BZW2: variants seen among roughly 807,000 people sequenced by gnomAD.
BZW2 encodes the protein basic leucine zipper and W2 domains 2, also known as eIF5-mimic protein 1.
In BZW2, 23 loss-of-function variants were observed where a neutral mutation model predicts 53.2. The ratio of observed to expected loss-of-function variants is 0.43; its 90% CI spans 0.31 to 0.61. The LOEUF (loss-of-function observed/expected upper bound fraction) is 0.61, where lower values mean the gene tolerates loss of function less well. BZW2 is among the 20% of genes least tolerant of loss of function. BZW2 has a pLI of 0.09. For missense variants in BZW2, 409 were observed against 503.1 expected (o/e 0.81, Z 1.79); for synonymous variants, 227 against 186.4 (o/e 1.22, Z -1.77).
In BZW2 at chr7:16,671,470, G is replaced by A. The variant is rs1202130055; in HGVS notation, c.59-2942G>A. Among the ~76,000 whole-genome samples, 4 of 152,092 alleles carry A rather than the reference G, an allele frequency of 2.6e-5. No homozygotes were observed. The East Asian group carries it at 7.7e-4, about 29-fold the overall frequency. On this transcript the variant is annotated intron_variant, in intron 2 of 11. Transcript: ENST00000258761. ...GAATCTCTTAATACAAAACACTTAAGGAAAAGCTTGAAATGTCCTTTCACC... is the reference window on the plus strand; with the variant it reads ...GAATCTCTTAATACAAAACACTTAAAGAAAAGCTTGAAATGTCCTTTCACC...
chr7:16,655,542 C>T (rs567883912), intron 1 of BZW2, among the ~76,000 whole-genome samples: 86 of 152,220 alleles, frequency 5.6e-4, no homozygotes, highest in Middle Eastern at 3.4e-3. Context: ...AAAATCCTTT[C>T]TTCTAGCTCT....
chr7:16,679,477 G>T (rs949003238), intron 3 of BZW2, among the ~76,000 whole-genome samples: 2 of 152,202 alleles, frequency 1.3e-5, no homozygotes, highest in African/African-American at 4.8e-5. Context: ...TGAAGGGGCT[G>T]ACTTCTCCAA....
chr7:16,648,031 CAAT>C (rs1319810241), intron 1 of BZW2, among the ~76,000 whole-genome samples: 1 of 152,120 alleles, frequency 6.6e-6, no homozygotes, highest in Non-Finnish European at 1.5e-5. Flanking sequence ...AATTTAGAGA[CAAT>C]AACGTTGAAA....
chr7:16,656,784 A>G (rs1001093923), intron 1 of BZW2, among the ~76,000 whole-genome samples: 1 of 152,196 alleles, frequency 6.6e-6, no homozygotes, highest in African/African-American at 2.4e-5. Context: ...AAATGAAGCT[A>G]AAAGTTATGA....
chr7:16,677,346 C>G (rs140490705), intron 3 of BZW2, among the ~76,000 whole-genome samples: 3,543 of 152,182 alleles, frequency 0.023, 127 homozygotes, highest in African/African-American at 0.081. Context: ...CCCAGCTAGG[C>G]TTAGGGATTC....
chr7:16,696,780 T>C lies in BZW2; in HGVS notation c.823-135T>C, dbSNP rs572718730. ...TTTTCTCCCTCTTCCAGTCTGAGAA[T>C]GCAGACAAGGAAAGGAGAAGCTAAG... is the stretch of plus-strand genomic sequence containing the variant. On this transcript the variant is annotated intron_variant, in intron 8 of 11. Coordinates refer to ENST00000258761, the MANE Select transcript of BZW2 (RefSeq NM_014038.3). 2.1e-5 allele frequency: 18 copies of C among 864,894 alleles called. No homozygotes were observed. The East Asian group carries it at 4.4e-4, about 21-fold the overall frequency. 53.6% of individuals were successfully genotyped at this position (864,894 alleles called of 1,614,324 possible). A position where few individuals can be genotyped will look rare whatever the true frequency, so the allele number is the denominator to read the frequency against.
intron 2 of BZW2, among the ~76,000 whole-genome samples, chr7:16,671,136 G>C (rs923331268): frequency 6.6e-6 from 1 of 152,138 alleles, no homozygotes; most frequent in African/African-American, 2.4e-5. Flanking sequence ...TAGTAGATAT[G>C]CCTTTTCTAC....
chr7:16,688,610 G>A (rs1159114930), intron 6 of BZW2: 1 of 152,174 alleles, frequency 6.6e-6, no homozygotes, highest in Non-Finnish European at 1.5e-5. Flanking sequence ...GAGAATAGAG[G>A]CTGCTTAGGC....
Position 16,682,861 on chromosome 7 carries a change from T to C in BZW2, c.405+16T>C, listed in dbSNP as rs749145105. ...AATGAAAAAGGTAAAAATTCAAATA[T>C]AATGCCTATCTGTTTTATAGTAATG... On this transcript the variant is annotated intron_variant, in intron 5 of 11. Transcript: ENST00000258761. 2.0e-6 allele frequency: 3 copies of C among 1,523,944 alleles called. No homozygotes were observed. In the South Asian group the frequency reaches 3.5e-5, roughly 18 times the overall value. The allele number at this position is 1,523,944 out of a possible 1,614,324, so 94.4% of individuals were successfully genotyped here.
At chr7:16,668,351 G>C (rs1209391672) in intron 2 of BZW2, among the ~76,000 whole-genome samples, 2 of 152,202 alleles carry the variant, frequency 1.3e-5, no homozygotes, top group Admixed American at 6.5e-5. Flanking sequence ...TGGTGGTCAA[G>C]ATTGTGCTGT....
At position 16,697,880 on chromosome 7, in the gene BZW2, A is replaced by G. The variant is rs151037210; in HGVS notation, c.970-168A>G. The G allele has an allele frequency of 2.3e-4, 165 of 725,376 alleles. No individual in the cohort carries two copies. In the African/African-American group the frequency reaches 2.8e-3, roughly 12 times the overall value. 44.9% of individuals were successfully genotyped at this position (725,376 alleles called of 1,614,324 possible). The stretch of plus-strand genomic sequence containing the variant: ...AGGTCGACTATACTGCTTTGTTCCT[A>G]CTGTTCTGTTCCCCTCACCCCATTG... On this transcript the variant is annotated intron_variant, in intron 9 of 11. Coordinates refer to ENST00000258761, the MANE Select transcript of BZW2 (RefSeq NM_014038.3).
intron 11 of BZW2, among the ~76,000 whole-genome samples, chr7:16,705,297 G>A (rs1349095966): frequency 7.2e-6 from 1 of 139,074 alleles, no homozygotes; most frequent in East Asian, 2.1e-4. Flanking sequence ...GGCAGAGGTT[G>A]CAGTGAGCCA....
rs1252530350 is a variant in BZW2 at position 16,686,049 on chromosome 7, G to A, written c.541+9G>A. On this transcript the variant is annotated intron_variant, in intron 6 of 11. Transcript: ENST00000258761. ...CAGCTTAGTCAAAGAAGGTAACGAG[G>A]CTCCTGTTTTCTCGCCTGTCAGACA... is the stretch of plus-strand genomic sequence containing the variant. The A allele has an allele frequency of 6.2e-7, 1 of 1,611,518 alleles. No homozygotes were observed. Among genetic ancestry groups the A allele is most frequent in the South Asian group, 1.1e-5 (1 of 90,336 alleles).
At chr7:16,701,508 C>A (rs1237659313) in intron 10 of BZW2, among the ~76,000 whole-genome samples, 2 of 152,034 alleles carry the variant, frequency 1.3e-5, no homozygotes, top group East Asian at 3.9e-4. Flanking sequence ...TTATTTTTGA[C>A]TTGTGTCCCT....
chr7:16,664,614 C>G (rs1782364364), intron 1 of BZW2, among the ~76,000 whole-genome samples: 1 of 152,176 alleles, frequency 6.6e-6, no homozygotes, highest in Non-Finnish European at 1.5e-5. Context: ...TAGCCAGGAT[C>G]AGAAATGTGG....
chr7:16,672,596 C>G (rs1398843783), intron 2 of BZW2, among the ~76,000 whole-genome samples: 3 of 152,122 alleles, frequency 2.0e-5, no homozygotes, highest in East Asian at 1.9e-4. Flanking sequence ...GCTCCTCTCT[C>G]CTCACATCCA....
intron 7 of BZW2, among the ~76,000 whole-genome samples, chr7:16,691,211 C>T (rs1197970017): frequency 6.6e-6 from 1 of 152,234 alleles, no homozygotes; most frequent in East Asian, 1.9e-4. Flanking sequence ...TGAATGTCTA[C>T]CCTGTGCTGG....
rs369308872 is a variant in BZW2, at chr7:16,671,256, G to T, written c.59-3156G>T. Among the ~76,000 whole-genome samples the T allele has an allele frequency of 4.6e-5, 7 of 152,030 alleles. No homozygotes were observed. The East Asian group carries it at 7.7e-4, about 17-fold the overall frequency. ...ATCATATAGTTTCAGCTACACCAATGTTTAGGGTTTATATTTTTGTGACAT... is the reference window on the plus strand; with the variant it reads ...ATCATATAGTTTCAGCTACACCAATTTTTAGGGTTTATATTTTTGTGACAT... On this transcript the variant is annotated intron_variant, in intron 2 of 11. Transcript: ENST00000258761.
chr7:16,697,963 C>A, intron 9 of BZW2, 85 bp from the exon 10 acceptor site: 2 of 1,521,342 alleles, frequency 1.3e-6, no homozygotes, highest in South Asian at 1.2e-5. Context: ...CTAAGCAACC[C>A]TCCAGGTTAC....
Sources: allele counts gnomAD v4.1 joint callset (sites outside exome capture counted in the v4.1 genomes callset), GRCh38; gene constraint gnomAD v4.1.1; transcripts MANE v1.5; gene names NCBI Gene and HGNC (gene_info 2026-07-23, HGNC 2026-07-21).